The following HINT3 variants were observed in gnomAD, a reference collection of about 807,000 sequenced individuals.
HINT3 encodes histidine triad nucleotide binding protein 3.
HINT3 carries 16 observed loss-of-function variants against 19.1 expected under a neutral mutation model. The ratio of observed to expected loss-of-function variants is 0.84; its 90% CI spans 0.57 to 1.27. HINT3 has a LOEUF of 1.27. HINT3 is among the 50% of genes most tolerant of loss of function. The pLI, the probability that HINT3 is intolerant of heterozygous loss-of-function variation, is 0.00. For missense variants in HINT3, 197 were observed against 225.8 expected, an observed-to-expected ratio of 0.87 and a Z score of 0.82; for synonymous variants, 75 against 84.8, an observed-to-expected ratio of 0.88 and a Z score of 0.63.
intron 1 of HINT3, among the ~76,000 whole-genome samples, chr6:125,962,234 A>ATGTGTG (rs1272816575): frequency 1.4e-4 from 4 of 27,644 alleles, no homozygotes; most frequent in Admixed American, 4.8e-4. Context: ...ATATATATAT[A>ATGTGTG]CACATATATA....
At chr6:125,975,071 T>C in intron 4 of HINT3, 98 bp downstream of exon 4, 3 of 1,072,138 alleles carry the variant, frequency 2.8e-6, no homozygotes, top group Non-Finnish European at 4.1e-6. Context: ...ACAGCTCTCA[T>C]AGACTTGATT....
chr6:125,962,240 A>ATGTGTG (rs1788946814), intron 1 of HINT3, among the ~76,000 whole-genome samples: 1 of 38,188 alleles, frequency 2.6e-5, no homozygotes, highest in Non-Finnish European at 4.0e-5. Flanking sequence ...ATATACACAT[A>ATGTGTG]TATATATATA....
intron 3 of HINT3, among the ~76,000 whole-genome samples, chr6:125,973,132 G>A (rs748401913): frequency 4.7e-4 from 60 of 127,206 alleles, no homozygotes; most frequent in Non-Finnish European, 7.9e-4. Context: ...CTGGAGTGCA[G>A]TGGTGCGATC....
chr6:125,971,119 G>A (rs1789090904), intron 2 of HINT3, among the ~76,000 whole-genome samples: 3 of 152,132 alleles, frequency 2.0e-5, no homozygotes, highest in Non-Finnish European at 1.5e-5. Flanking sequence ...GATCCCAGGT[G>A]ACCAAAATTT....
At chr6:125,975,386 G>A (rs1021810797) in intron 4 of HINT3, among the ~76,000 whole-genome samples, 1 of 152,132 alleles carries the variant, frequency 6.6e-6, no homozygotes, top group African/African-American at 2.4e-5. Context: ...TGATAAGAGA[G>A]TTGATGAGGT....
chr6:125,969,263 G>C (rs111297084), intron 2 of HINT3, among the ~76,000 whole-genome samples: 1 of 152,056 alleles, frequency 6.6e-6, no homozygotes. Context: ...TGAATATGGC[G>C]TATTTTCCCA....
rs553837761 is a variant in HINT3 at position 125,971,620 on chromosome 6, G to A, written c.320-639G>A. Among the ~76,000 whole-genome samples the A allele has an allele frequency of 6.0e-5, 9 of 149,984 alleles. No homozygotes were observed. The East Asian group carries it at 7.9e-4, about 13-fold the overall frequency. Reference sequence around the variant, plus strand: ...CACAATCATAGCTCACTGCAGCCTCGACCTCCTGGGCTCAAGAAATCCTTC... The same window carrying A: ...CACAATCATAGCTCACTGCAGCCTCAACCTCCTGGGCTCAAGAAATCCTTC... On this transcript the variant is annotated intron_variant, in intron 2 of 4. Transcript: ENST00000229633.
At chr6:125,977,119 G>A (rs367843696) in intron 4 of HINT3, among the ~76,000 whole-genome samples, 1 of 152,104 alleles carries the variant, frequency 6.6e-6, no homozygotes, top group East Asian at 1.9e-4. Context: ...TTTATATTCT[G>A]TGGGTTTTGA....
chr6:125,967,326 C>CTTTTT (rs537273461), intron 2 of HINT3, among the ~76,000 whole-genome samples: 1 of 95,188 alleles, frequency 1.1e-5, no homozygotes, highest in South Asian at 3.8e-4. Context: ...ATTTTTATGA[C>CTTTTT]TTTTTTTTTT....
intron 4 of HINT3, among the ~76,000 whole-genome samples, chr6:125,975,586 T>TTTTTTG (rs1475756518): frequency 4.1e-4 from 61 of 150,086 alleles, no homozygotes; most frequent in Middle Eastern, 3.4e-3. Context: ...GAAGAGTTGT[T>TTTTTTG]TTTTTTTTTT....
chr6:125,956,913 C>T lies in HINT3; in HGVS notation c.-65C>T. ...GGTAAAACGGAGGAGGTGCGGGACG[C>T]GGAGACTGCGCGGGCCCGGTAGCCC... On this transcript the variant is annotated 5_prime_UTR_variant, in exon 1 of 5. Coordinates refer to ENST00000229633, the MANE Select transcript of HINT3 (RefSeq NM_138571.5). 1 of 1,474,420 alleles carries T rather than the reference C, an allele frequency of 6.8e-7. No individual in the cohort carries two copies. Among genetic ancestry groups the T allele is most frequent in the South Asian group, 1.2e-5 (1 of 80,604 alleles). 91.3% of individuals were successfully genotyped at this position (1,474,420 alleles called of 1,614,324 possible).
intron 4 of HINT3, among the ~76,000 whole-genome samples, chr6:125,975,841 G>A (rs950924846): frequency 6.6e-6 from 1 of 152,190 alleles, no homozygotes; most frequent in South Asian, 2.1e-4. Flanking sequence ...GTCCCAAAGT[G>A]CTGGGATTAC....
At chr6:125,973,069 T>TTTA (rs1789130902) in intron 3 of HINT3, among the ~76,000 whole-genome samples, 1 of 109,146 alleles carries the variant, frequency 9.2e-6, no homozygotes, top group Non-Finnish European at 1.8e-5. Flanking sequence ...TTTCAACTTT[T>TTTA]TTTTTTTTTT....
intron 1 of HINT3, among the ~76,000 whole-genome samples, chr6:125,963,104 T>C (rs1037529338): frequency 4.6e-5 from 7 of 152,214 alleles, no homozygotes; most frequent in African/African-American, 1.7e-4. Flanking sequence ...CACCAAATTT[T>C]AGCAGTATGC....
At chr6:125,964,800 T>A (rs955667736) in intron 1 of HINT3, among the ~76,000 whole-genome samples, 5 of 151,648 alleles carry the variant, frequency 3.3e-5, no homozygotes, top group Non-Finnish European at 7.4e-5. Flanking sequence ...TTTGCCAGCG[T>A]ATCTATGGAA....
intron 2 of HINT3, among the ~76,000 whole-genome samples, chr6:125,967,794 G>C (rs568835866): frequency 6.6e-6 from 1 of 152,246 alleles, no homozygotes; most frequent in South Asian, 2.1e-4. Flanking sequence ...AGATGAATTA[G>C]CACCAAAATT....
Position 125,962,310 on chromosome 6 carries a change from CACATAT to C in HINT3, c.202-4575_202-4570del, listed in dbSNP as rs1562212411. 1.2e-4 allele frequency among the ~76,000 whole-genome samples: 3 copies of C among 24,686 alleles called. 1 individual carries two copies. The highest frequency in any genetic ancestry group is 5.2e-4 in the African/African-American group (2 of 3,832). 16.2% of individuals were successfully genotyped at this position (24,686 alleles called of 152,430 possible). ...TACACATATATATATATATATATCACACATATATATATATATATATCACACACACAT... is the reference window on the plus strand; with the variant it reads ...TACACATATATATATATATATATCACATATATATATATATCACACACACAT... On this transcript the variant is annotated intron_variant, in intron 1 of 4. Transcript: ENST00000229633.
intron 1 of HINT3, among the ~76,000 whole-genome samples, chr6:125,962,251 C>CACATATATATAT (rs1788948396): frequency 1.0e-4 from 1 of 9,932 alleles, no homozygotes; most frequent in Non-Finnish European, 1.7e-4. Flanking sequence ...TATATATATA[C>CACATATATATAT]ACACATATAT....
At position 125,979,212 on chromosome 6, in the gene HINT3, T is replaced by G. The variant is rs1789215737; in HGVS notation, c.*1536T>G. On this transcript the variant is annotated 3_prime_UTR_variant, in exon 5 of 5. Transcript: ENST00000229633. ...ATATGAAGTTCAGATTTCATCTTAT[T>G]TACTGAAGGTGGAGAAAGGATGTGG... The G allele has an allele frequency of 6.6e-6, 1 of 152,216 alleles. No individual in the cohort carries two copies. Among genetic ancestry groups the G allele is most frequent in the African/African-American group, 2.4e-5 (1 of 41,454 alleles). The allele number at this position is 152,216 out of a possible 1,614,324, so 9.4% of individuals were successfully genotyped here.
Sources: allele counts gnomAD v4.1 joint callset (sites outside exome capture counted in the v4.1 genomes callset), GRCh38; gene constraint gnomAD v4.1.1; transcripts MANE v1.5; gene names NCBI Gene and HGNC (gene_info 2026-07-23, HGNC 2026-07-21).